The following PCDHA3 variants were observed in gnomAD, a reference collection of about 807,000 sequenced individuals.
PCDHA3 encodes the protein protocadherin alpha-3.
PCDHA3 carries 41 observed loss-of-function variants against 62.2 expected under a neutral mutation model. The observed-to-expected ratio is 0.66, with a 90% CI of 0.51 to 0.86. PCDHA3 has a LOEUF of 0.86. Among genes scored for constraint, PCDHA3 ranks in the 40% least tolerant of loss-of-function variants. The pLI, the probability that PCDHA3 is intolerant of heterozygous loss-of-function variation, is 0.00. For synonymous variants in PCDHA3, 640 were observed against 555.4 expected, an observed-to-expected ratio of 1.15 and a Z score of -2.14; for missense variants, 1,304 against 1,241.2, an observed-to-expected ratio of 1.05 and a Z score of -0.76.
intron 1 of PCDHA3, chr5:140,968,394 G>T: frequency 6.2e-7 from 1 of 1,613,940 alleles, no homozygotes; most frequent in Non-Finnish European, 8.5e-7. Context: ...GAGAAGTTTC[G>T]GGAGTTCTTT....
chr5:140,961,728 A>G (rs2095632104), intron 1 of PCDHA3, among the ~76,000 whole-genome samples: 1 of 152,192 alleles, frequency 6.6e-6, no homozygotes, highest in East Asian at 1.9e-4. Context: ...GCTCATAAAC[A>G]ATCACTTTAG....
At chr5:140,981,289 C>G (rs1554242771) in intron 2 of PCDHA3, among the ~76,000 whole-genome samples, 1 of 152,138 alleles carries the variant, frequency 6.6e-6, no homozygotes, top group Non-Finnish European at 1.5e-5. Flanking sequence ...AAAGGGTCCT[C>G]TAGTCTAGGT....
chr5:140,869,373 C>T (rs782224697), intron 1 of PCDHA3: 5 of 1,613,984 alleles, frequency 3.1e-6, no homozygotes, highest in African/African-American at 2.7e-5. Flanking sequence ...ATTCTCGGAT[C>T]GACCGCGAGG....
chr5:140,834,721 C>A (rs2150224932), intron 1 of PCDHA3: 1 of 1,614,220 alleles, frequency 6.2e-7, no homozygotes, highest in South Asian at 1.1e-5. Context: ...GTGGAAAGGC[C>A]GCTGCAGGTT....
At chr5:140,862,744 C>T in intron 1 of PCDHA3, 1 of 577,744 alleles carries the variant, frequency 1.7e-6, no homozygotes, top group South Asian at 1.4e-5. Flanking sequence ...TGTGTGGGTG[C>T]ACGCGGAGAG....
At chr5:140,941,247 C>CT (rs1398354432) in intron 1 of PCDHA3, among the ~76,000 whole-genome samples, 1 of 128,506 alleles carries the variant, frequency 7.8e-6, no homozygotes, top group African/African-American at 2.9e-5. Context: ...TTCTTTCTTT[C>CT]TTTCTTTCTC....
rs576672695 is a variant in PCDHA3, at chr5:140,976,134, A to G, written c.2395-2815A>G. On this transcript the variant is annotated intron_variant, in intron 1 of 3. Transcript: ENST00000522353. ...TTTTCCAAGTTTAATCAAGTTCTGG[A>G]TGAAACTCATGTACATTTTACTACT... Among the ~76,000 whole-genome samples the G allele has an allele frequency of 2.0e-5, 3 of 152,348 alleles. No homozygotes were observed. In the East Asian group the frequency reaches 5.8e-4, roughly 29 times the overall value.
At chr5:140,922,891 G>GA (rs1554201035) in intron 1 of PCDHA3, among the ~76,000 whole-genome samples, 2 of 152,160 alleles carry the variant, frequency 1.3e-5, no homozygotes, top group Non-Finnish European at 2.9e-5. Context: ...CATCATTCAA[G>GA]AAAAAATTTT....
At chr5:140,894,143 T>G (rs1322881071) in intron 1 of PCDHA3, among the ~76,000 whole-genome samples, 1 of 152,158 alleles carries the variant, frequency 6.6e-6, no homozygotes, top group Non-Finnish European at 1.5e-5. Flanking sequence ...ATAATTCCCT[T>G]CTATGTAATT....
At chr5:140,807,803 C>T (rs1554124282) in intron 1 of PCDHA3, 1 of 1,614,124 alleles carries the variant, frequency 6.2e-7, no homozygotes, top group East Asian at 2.2e-5. Context: ...AGAAGAAGCT[C>T]CGGAGATTTT....
intron 1 of PCDHA3, chr5:140,841,911 G>T: frequency 1.2e-6 from 2 of 1,613,886 alleles, no homozygotes; most frequent in Non-Finnish European, 1.7e-6. Context: ...CTCGTATTAA[G>T]AAAATCCTTG....
chr5:140,926,903 G>C (rs369906778), intron 1 of PCDHA3: 13 of 1,557,942 alleles, frequency 8.3e-6, no homozygotes, highest in African/African-American at 1.4e-5. Flanking sequence ...ATGGTGGGCT[G>C]TGGGGTGGCA....
Position 140,842,281 on chromosome 5 carries a change from T to G in PCDHA3, c.2394+38690T>G, listed in dbSNP as rs1777847899. On this transcript the variant is annotated intron_variant, in intron 1 of 3. Coordinates refer to ENST00000522353, the MANE Select transcript of PCDHA3 (RefSeq NM_018906.3). Reference sequence around the variant, plus strand: ...AAGAAAACTTATACAAAATCCTCATTGACGCCACGGACAAAGGCCATCCTC... The same window carrying G: ...AAGAAAACTTATACAAAATCCTCATGGACGCCACGGACAAAGGCCATCCTC... 3 of 1,610,824 alleles carry G rather than the reference T, an allele frequency of 1.9e-6. No individual in the cohort carries two copies. The East Asian group carries it at 6.7e-5, about 36-fold the overall frequency.
intron 1 of PCDHA3, chr5:140,967,578 C>T (rs868970551): frequency 1.9e-6 from 3 of 1,614,000 alleles, no homozygotes; most frequent in Non-Finnish European, 2.5e-6. Flanking sequence ...GAGGACTCAC[C>T]CCCAGGCACA....
chr5:140,919,306 A>G (rs1407810868), intron 1 of PCDHA3, among the ~76,000 whole-genome samples: 1 of 152,150 alleles, frequency 6.6e-6, no homozygotes. Context: ...TGTACAATAT[A>G]TGTTTTCCCA....
chr5:140,871,118 G>T (rs1554165149), intron 1 of PCDHA3: 1 of 1,613,306 alleles, frequency 6.2e-7, no homozygotes, highest in African/African-American at 1.3e-5. Context: ...GTGGAGAGCG[G>T]ACAGGCGCCA....
At position 140,821,756 on chromosome 5, in the gene PCDHA3, A is replaced by T. The variant is rs2150110442; in HGVS notation, c.2394+18165A>T. The T allele has an allele frequency of 8.2e-6, 13 of 1,584,204 alleles. No individual in the cohort carries two copies. The East Asian group carries it at 2.2e-4, about 27-fold the overall frequency. ...TGTGTGGTGATGCAATAGAAAGCTC[A>T]TAATTGGAACGAGATTGAGATGGTA... On this transcript the variant is annotated intron_variant, in intron 1 of 3. Transcript: ENST00000522353.
chr5:140,890,488 T>C (rs1022131727), intron 1 of PCDHA3, among the ~76,000 whole-genome samples: 20 of 152,340 alleles, frequency 1.3e-4, no homozygotes, highest in African/African-American at 4.8e-4. Flanking sequence ...GTTATTTTTG[T>C]CTCACCATTT....
chr5:140,882,958 C>T (rs1582656438), intron 1 of PCDHA3: 1 of 1,614,040 alleles, frequency 6.2e-7, no homozygotes, highest in Non-Finnish European at 8.5e-7. Flanking sequence ...AGCTGCTCAT[C>T]ACGATTCTGG....
Sources: gnomAD v4.1 joint callset for allele counts (sites outside exome capture counted in the v4.1 genomes callset) on GRCh38, gnomAD v4.1.1 for gene constraint, MANE v1.5 for transcripts, NCBI Gene and HGNC (gene_info 2026-07-23, HGNC 2026-07-21) for gene names.